The following DIP2B variants were observed in gnomAD, a reference collection of about 807,000 sequenced individuals.
DIP2B encodes the protein DIP2 acetate--CoA ligase B (putative), also known as disco-interacting protein 2 homolog B.
In DIP2B, 76 loss-of-function variants were observed where a neutral mutation model predicts 198.0. That is an observed-to-expected ratio of 0.38 (90% CI 0.32 to 0.46). DIP2B has a LOEUF of 0.46. Ranked by LOEUF, DIP2B falls within the 20% of genes least tolerant of loss-of-function variation. The pLI, the probability that DIP2B is intolerant of heterozygous loss-of-function variation, is 0.99. For missense variants in DIP2B, 1,559 were observed against 1,978.4 expected (o/e 0.79, Z 4.02); for synonymous variants, 701 against 739.1 (o/e 0.95, Z 0.84).
chr12:50,718,759 A>T lies in DIP2B; in HGVS notation c.2902A>T (p.Ile968Leu), dbSNP rs1939779519. ...MVGNLVAGKR[I>L]AQAAGRDLGQ... ...TGGGAATCTGGTTGCTGGAAAACGT[A>T]TAGCACAAGCTGCTGGAAGGGATCT... Residue 968 changes from isoleucine to leucine, a missense_variant, in exon 24 of 38, where the codon ATA (isoleucine) becomes TTA (leucine). Ile to Leu is a conservative substitution (Grantham distance 5). Coordinates refer to ENST00000301180, the MANE Select transcript of DIP2B (RefSeq NM_173602.3). The T allele has an allele frequency of 6.2e-7, 1 of 1,614,096 alleles. No individual in the cohort carries two copies. The highest frequency in any genetic ancestry group is 8.5e-7 in the Non-Finnish European group (1 of 1,180,044).
At chr12:50,661,144 C>A (rs760545300) in intron 4 of DIP2B, among the ~76,000 whole-genome samples, 10 of 151,888 alleles carry the variant, frequency 6.6e-5, no homozygotes, top group Admixed American at 6.6e-4. Flanking sequence ...TTTTTTAGAT[C>A]GAATCCCAGA....
intron 1 of DIP2B, among the ~76,000 whole-genome samples, chr12:50,613,816 T>G (rs1937648267): frequency 6.6e-6 from 1 of 152,170 alleles, no homozygotes; most frequent in Non-Finnish European, 1.5e-5. Flanking sequence ...ATTATAGAAT[T>G]CTTTTCAGAT....
intron 37 of DIP2B, among the ~76,000 whole-genome samples, chr12:50,741,764 T>A (rs1940248973): frequency 1.3e-5 from 2 of 152,196 alleles, no homozygotes; most frequent in African/African-American, 4.8e-5. Flanking sequence ...GGGAATACTC[T>A]GATACCTTCT....
At chr12:50,542,543 G>A (rs1159692300) in intron 1 of DIP2B, among the ~76,000 whole-genome samples, 1 of 152,176 alleles carries the variant, frequency 6.6e-6, no homozygotes, top group African/African-American at 2.4e-5. Flanking sequence ...GACACAGACA[G>A]GAGAGTGGGT....
chr12:50,514,271 G>A (rs891220278), intron 1 of DIP2B, among the ~76,000 whole-genome samples: 2 of 151,940 alleles, frequency 1.3e-5, no homozygotes, highest in African/African-American at 4.8e-5. Flanking sequence ...CTCTATGTTG[G>A]TCAGGCTGGT....
At chr12:50,675,041 A>G (rs767270059) in intron 6 of DIP2B, among the ~76,000 whole-genome samples, 3 of 152,210 alleles carry the variant, frequency 2.0e-5, no homozygotes, top group African/African-American at 7.2e-5. Flanking sequence ...GTGAGCCAAG[A>G]TGGCGCCACT....
intron 1 of DIP2B, among the ~76,000 whole-genome samples, chr12:50,560,278 C>G (rs1958507600): frequency 6.6e-6 from 1 of 152,010 alleles, no homozygotes; most frequent in South Asian, 2.1e-4. Flanking sequence ...ACCTGAAGTC[C>G]CAGCTACTCG....
At position 50,511,412 on chromosome 12, in the gene DIP2B, C is replaced by T. The variant is rs1246923082; in HGVS notation, c.100+6172C>T. Among the ~76,000 whole-genome samples, 6 of 150,294 alleles carry T rather than the reference C, an allele frequency of 4.0e-5. No homozygotes were observed. The East Asian group carries it at 1.2e-3, about 30-fold the overall frequency. Reference sequence around the variant, plus strand: ...GCTCAAGCGATTCTCCTGCCTCAGCCTCCCCAATAGCTGGGACTACAGGCA... The same window carrying T: ...GCTCAAGCGATTCTCCTGCCTCAGCTTCCCCAATAGCTGGGACTACAGGCA... On this transcript the variant is annotated intron_variant, in intron 1 of 37. Transcript: ENST00000301180.
chr12:50,655,073 A>C (rs903276526), intron 3 of DIP2B: 4 of 436,476 alleles, frequency 9.2e-6, no homozygotes, highest in South Asian at 6.4e-5. Flanking sequence ...ATATATTTGC[A>C]GGAGGCTATT....
At chr12:50,630,307 CTTTG>C (rs1223816470) in intron 2 of DIP2B, among the ~76,000 whole-genome samples, 1 of 152,064 alleles carries the variant, frequency 6.6e-6, no homozygotes, top group African/African-American at 2.4e-5. Flanking sequence ...ATAATATTCT[CTTTG>C]TTTGTAAACC....
At chr12:50,729,997 ATAGGTGT>A (rs1473517781) in intron 30 of DIP2B, among the ~76,000 whole-genome samples, 1 of 152,154 alleles carries the variant, frequency 6.6e-6, no homozygotes, top group Non-Finnish European at 1.5e-5. Context: ...TGCTAGGATT[ATAGGTGT>A]GAGCCACCAC....
At position 50,536,147 on chromosome 12, in the gene DIP2B, C is replaced by T. The variant is rs143053776; in HGVS notation, c.100+30907C>T. On this transcript the variant is annotated intron_variant, in intron 1 of 37. Transcript: ENST00000301180. ...AAGTCTTTGCTATTGTGAATAGTGC[C>T]GCGATAAACATACGTGTGCATGTGT... Among the ~76,000 whole-genome samples the T allele has an allele frequency of 8.8e-4, 133 of 151,722 alleles. 2 individuals are homozygous for T. Among genetic ancestry groups the T allele is most frequent in the African/African-American group, 2.8e-3 (117 of 41,318 alleles).
At chr12:50,701,265 C>A (rs1438236071) in intron 19 of DIP2B, among the ~76,000 whole-genome samples, 1 of 152,172 alleles carries the variant, frequency 6.6e-6, no homozygotes, top group Non-Finnish European at 1.5e-5. Context: ...AATTAAAGTT[C>A]CCAGTATTTT....
Position 50,691,167 on chromosome 12 carries a change from A to G in DIP2B, c.1654+16A>G, listed in dbSNP as rs1211489372. 9 of 1,607,936 alleles carry G rather than the reference A, an allele frequency of 5.6e-6. No individual in the cohort carries two copies. The highest frequency in any genetic ancestry group is 2.2e-5 in the South Asian group (2 of 90,848). On this transcript the variant is annotated intron_variant, in intron 13 of 37. Transcript: ENST00000301180. ...TATTCTGAAGGTCAGACCTCATCCC[A>G]TGACTGCCCTCATTGTTACCTTCAG...
At chr12:50,509,176 A>G (rs1565806891) in intron 1 of DIP2B, among the ~76,000 whole-genome samples, 1 of 152,220 alleles carries the variant, frequency 6.6e-6, no homozygotes, top group Non-Finnish European at 1.5e-5. Flanking sequence ...AAAACTGCCA[A>G]CAAAACAGTG....
At chr12:50,535,917 C>T (rs1958261294) in intron 1 of DIP2B, among the ~76,000 whole-genome samples, 1 of 143,788 alleles carries the variant, frequency 7.0e-6, no homozygotes, top group Non-Finnish European at 1.5e-5. Context: ...TCTCATTGTT[C>T]ATTTCCCACC....
At chr12:50,741,707 C>T (rs1940247954) in intron 37 of DIP2B, among the ~76,000 whole-genome samples, 168 bp downstream of exon 37, 1 of 152,156 alleles carries the variant, frequency 6.6e-6, no homozygotes, top group Non-Finnish European at 1.5e-5. Context: ...TCTGCTGTGG[C>T]CAACAAAGCC....
chr12:50,712,249 A>G (rs1446450224), intron 22 of DIP2B, among the ~76,000 whole-genome samples: 1 of 152,108 alleles, frequency 6.6e-6, no homozygotes, highest in Non-Finnish European at 1.5e-5. Context: ...CTAAGATTGT[A>G]TCTCTTGTTC....
intron 23 of DIP2B, among the ~76,000 whole-genome samples, chr12:50,717,277 C>T (rs1378655877): frequency 2.1e-5 from 3 of 145,148 alleles, no homozygotes; most frequent in African/African-American, 2.6e-5. Context: ...GTTTTTTGTT[C>T]GTTTGTTTTT....
Sources: gnomAD v4.1 joint callset for allele counts (sites outside exome capture counted in the v4.1 genomes callset) on GRCh38, gnomAD v4.1.1 for gene constraint, MANE v1.5 for transcripts, NCBI Gene and HGNC (gene_info 2026-07-23, HGNC 2026-07-21) for gene names.